RNLS: variants seen among roughly 807,000 people sequenced by gnomAD.
RNLS encodes renalase, FAD dependent amine oxidase.
In RNLS, 39 loss-of-function variants were observed where a neutral mutation model predicts 39.8. The ratio of observed to expected loss-of-function variants is 0.98; its 90% CI spans 0.76 to 1.28. The LOEUF (loss-of-function observed/expected upper bound fraction) is 1.28. Among genes scored for constraint, RNLS ranks in the 50% most tolerant of loss-of-function variants. RNLS has a pLI of 0.00. For synonymous variants in RNLS, 147 were observed against 150.7 expected, an observed-to-expected ratio of 0.98 and a Z score of 0.18; for missense variants, 410 against 413.3, an observed-to-expected ratio of 0.99 and a Z score of 0.07.
chr10:88,445,120 T>C (rs1273946826), intron 4 of RNLS, among the ~76,000 whole-genome samples: 1 of 152,144 alleles, frequency 6.6e-6, no homozygotes, highest in Non-Finnish European at 1.5e-5. Context: ...AGTGGATCAC[T>C]TGGCAGAAAT....
At chr10:88,481,215 T>C (rs1237051408) in intron 4 of RNLS, among the ~76,000 whole-genome samples, 1 of 152,202 alleles carries the variant, frequency 6.6e-6, no homozygotes, top group Non-Finnish European at 1.5e-5. Context: ...ATCTAAATTG[T>C]ATATCTGTAG....
At chr10:88,464,940 G>A (rs1331961850) in intron 4 of RNLS, among the ~76,000 whole-genome samples, 1 of 152,052 alleles carries the variant, frequency 6.6e-6, no homozygotes, top group Non-Finnish European at 1.5e-5. Context: ...CATACAGCAT[G>A]GTGCCTAAAG....
chr10:88,221,089 A>G, the RNLS span, among the ~76,000 whole-genome samples: 3 of 152,230 alleles, frequency 2.0e-5, no homozygotes, highest in East Asian at 5.8e-4. Flanking sequence ...AGCTTTGTAT[A>G]TGCATCCCCC....
chr10:88,260,220 A>C, the RNLS span, among the ~76,000 whole-genome samples: 1 of 152,074 alleles, frequency 6.6e-6, no homozygotes, highest in African/African-American at 2.4e-5. Context: ...AGATAAGCAA[A>C]CTTGAGCTGG....
At chr10:88,370,266 A>C (rs1462171989) in intron 4 of RNLS, among the ~76,000 whole-genome samples, 1 of 152,136 alleles carries the variant, frequency 6.6e-6, no homozygotes, top group Non-Finnish European at 1.5e-5. Flanking sequence ...TTCACATTAT[A>C]CTGACTTTGA....
chr10:88,199,689 A>T, the RNLS span, among the ~76,000 whole-genome samples: 1 of 152,038 alleles, frequency 6.6e-6, no homozygotes, highest in Non-Finnish European at 1.5e-5. Flanking sequence ...CCTGGCCTTC[A>T]CCTCCCATAT....
rs1418658042 is a variant in RNLS at position 88,285,325 on chromosome 10, T to C, written c.*29A>G. ...GAAAATTGTGAAAATAAAAACCCAA[T>C]ACACATGTAGAGAATAAGGATATAG... On this transcript the variant is annotated 3_prime_UTR_variant, in exon 7 of 7. Coordinates refer to ENST00000331772, the MANE Select transcript of RNLS (RefSeq NM_001031709.3). The C allele has an allele frequency of 6.6e-7, 1 of 1,509,664 alleles. No homozygotes were observed. Among genetic ancestry groups the C allele is most frequent in the Non-Finnish European group, 8.9e-7 (1 of 1,121,054 alleles). The allele number at this position is 1,509,664 out of a possible 1,614,324, so 93.5% of individuals were successfully genotyped here. A position where few individuals can be genotyped will look rare whatever the true frequency, so the allele number is the denominator to read the frequency against.
At chr10:88,251,994 T>C in the RNLS span, among the ~76,000 whole-genome samples, 5 of 152,200 alleles carry the variant, frequency 3.3e-5, no homozygotes, top group African/African-American at 1.2e-4. Flanking sequence ...AGCCTTATGA[T>C]GCTCTGCTGA....
At chr10:88,285,784 T>G (rs1017596847) in intron 6 of RNLS, among the ~76,000 whole-genome samples, 10 of 152,100 alleles carry the variant, frequency 6.6e-5, no homozygotes, top group African/African-American at 9.7e-5. Flanking sequence ...ACTTCAAAAT[T>G]AGTAGGGGCT....
At chr10:88,536,147 AC>A (rs1383202345) in intron 4 of RNLS, among the ~76,000 whole-genome samples, 1 of 152,096 alleles carries the variant, frequency 6.6e-6, no homozygotes, top group Admixed American at 6.5e-5. Flanking sequence ...TTGGCCATAT[AC>A]TGGGTATAAT....
intron 4 of RNLS, among the ~76,000 whole-genome samples, chr10:88,544,958 T>G (rs1245290991): frequency 1.3e-5 from 2 of 152,180 alleles, no homozygotes; most frequent in Non-Finnish European, 2.9e-5. Context: ...GTGTCTACCA[T>G]AAAACCCATG....
intron 5 of RNLS, among the ~76,000 whole-genome samples, chr10:88,354,841 T>C (rs905063697): frequency 1.3e-5 from 2 of 152,234 alleles, no homozygotes; most frequent in African/African-American, 4.8e-5. Context: ...CCCTTCACTT[T>C]CGGGTACACC....
intron 5 of RNLS, among the ~76,000 whole-genome samples, chr10:88,355,572 G>A (rs1328659693): frequency 6.6e-6 from 1 of 152,160 alleles, no homozygotes; most frequent in African/African-American, 2.4e-5. Context: ...TTCCTGTGGA[G>A]GTTTCGTCTC....
intron 4 of RNLS, among the ~76,000 whole-genome samples, chr10:88,536,269 C>A (rs562888890): frequency 1.1e-4 from 17 of 152,138 alleles, no homozygotes; most frequent in Admixed American, 2.6e-4. Context: ...ATATCCAGTC[C>A]ATCTGAACAT....
the RNLS span, among the ~76,000 whole-genome samples, chr10:88,201,114 GCCATAGACCAGT>G: frequency 1.3e-5 from 2 of 152,004 alleles, no homozygotes; most frequent in African/African-American, 4.8e-5. Context: ...GAGAGCAGAG[GCCATAGACCAGT>G]CATTGGATAT....
intron 4 of RNLS, among the ~76,000 whole-genome samples, chr10:88,554,988 G>A (rs899466957): frequency 2.0e-5 from 3 of 152,138 alleles, no homozygotes; most frequent in Middle Eastern, 3.2e-3. Flanking sequence ...CAATAGGAGT[G>A]ATATCACTCC....
the RNLS span, among the ~76,000 whole-genome samples, chr10:88,262,952 C>T: frequency 6.6e-6 from 1 of 152,044 alleles, no homozygotes; most frequent in Non-Finnish European, 1.5e-5. Flanking sequence ...ATTTGAGGCA[C>T]TATGTTGAAG....
chr10:88,398,284 A>C (rs1852691060), intron 4 of RNLS, among the ~76,000 whole-genome samples: 1 of 152,092 alleles, frequency 6.6e-6, no homozygotes. Flanking sequence ...GAGTCAGGGT[A>C]AGCAGATGTA....
intron 4 of RNLS, among the ~76,000 whole-genome samples, chr10:88,566,963 C>G (rs1176676696): frequency 6.6e-6 from 1 of 151,752 alleles, no homozygotes; most frequent in East Asian, 1.9e-4. Context: ...AAAGAGATGG[C>G]TCTAAAGTAA....
Sources: gnomAD v4.1 joint callset for allele counts (sites outside exome capture counted in the v4.1 genomes callset) on GRCh38, gnomAD v4.1.1 for gene constraint, MANE v1.5 for transcripts, NCBI Gene and HGNC (gene_info 2026-07-23, HGNC 2026-07-21) for gene names.